GRM3: variants seen among roughly 807,000 people sequenced by gnomAD.
The protein encoded by GRM3 is metabotropic glutamate receptor 3.
A neutral mutation model predicts 70.5 loss-of-function variants in GRM3; 26 were observed. The observed-to-expected ratio is 0.37, with a 90% CI of 0.27 to 0.51. GRM3 has a LOEUF of 0.51. Ranked by LOEUF, GRM3 falls within the 20% of genes least tolerant of loss-of-function variation. The pLI is 0.93. For synonymous variants in GRM3, 443 were observed against 434.9 expected (o/e 1.02, Z -0.23); for missense variants, 859 against 1,123.8 (o/e 0.76, Z 3.37).
intron 1 of GRM3, among the ~76,000 whole-genome samples, chr7:86,723,032 A>C (rs115942573): frequency 0.017 from 2,582 of 152,162 alleles, 71 homozygotes; most frequent in African/African-American, 0.058. Flanking sequence ...AATGATATAA[A>C]TATTAATATT....
chr7:86,836,802 G>A (rs147876841), intron 3 of GRM3, among the ~76,000 whole-genome samples: 9 of 152,248 alleles, frequency 5.9e-5, no homozygotes, highest in South Asian at 2.1e-4. Context: ...TCATCAAATC[G>A]TCAAAAGAAC....
intron 1 of GRM3, among the ~76,000 whole-genome samples, chr7:86,656,260 CTTTTTTTT>C (rs1165969016): frequency 3.6e-5 from 3 of 83,276 alleles, no homozygotes; most frequent in Non-Finnish European, 6.4e-5. Flanking sequence ...ATACTATGTT[CTTTTTTTT>C]TTTTTTTTTT....
intron 1 of GRM3, among the ~76,000 whole-genome samples, chr7:86,734,007 T>C (rs1348101596): frequency 6.6e-6 from 1 of 152,212 alleles, no homozygotes. Context: ...CTTGGCCTAT[T>C]CTTGACTGCA....
chr7:86,862,586 TAAG>T (rs1288876352), intron 5 of GRM3, among the ~76,000 whole-genome samples: 5 of 152,036 alleles, frequency 3.3e-5, no homozygotes, highest in South Asian at 2.1e-4. Flanking sequence ...CTGATCCTAA[TAAG>T]AAGAAGAAAA....
chr7:86,847,805 T>C (rs1158458599), intron 4 of GRM3, among the ~76,000 whole-genome samples: 4 of 152,132 alleles, frequency 2.6e-5, no homozygotes, highest in Admixed American at 2.6e-4. Flanking sequence ...AAAACAGACT[T>C]TTAATAGTGT....
rs560769331 is a variant in GRM3, at chr7:86,841,392, C to T, written c.2391+1487C>T. ...AAAAAGAGGAAACATCAGAGCTGAT[C>T]GGCAAAGTCAAAGAGTGGAGTATAT... On this transcript the variant is annotated intron_variant, in intron 4 of 5. Coordinates refer to ENST00000361669, the MANE Select transcript of GRM3 (RefSeq NM_000840.3). Among the ~76,000 whole-genome samples, 7 of 152,168 alleles carry T rather than the reference C, an allele frequency of 4.6e-5. 1 individual carries two copies. Among genetic ancestry groups the T allele is most frequent in the African/African-American group, 1.2e-4 (5 of 41,518 alleles).
intron 3 of GRM3, among the ~76,000 whole-genome samples, chr7:86,814,662 A>T (rs1797980500): frequency 6.6e-6 from 1 of 151,730 alleles, no homozygotes; most frequent in Non-Finnish European, 1.5e-5. Flanking sequence ...ATTGTTAATT[A>T]CACATTTTCT....
At chr7:86,693,279 G>C (rs1267447534) in intron 1 of GRM3, among the ~76,000 whole-genome samples, 2 of 152,184 alleles carry the variant, frequency 1.3e-5, no homozygotes, top group Non-Finnish European at 2.9e-5. Flanking sequence ...TCAGGAAGTA[G>C]AAGTTGCATA....
chr7:86,692,968 G>A (rs1174339225), intron 1 of GRM3, among the ~76,000 whole-genome samples: 1 of 152,192 alleles, frequency 6.6e-6, no homozygotes, highest in African/African-American at 2.4e-5. Flanking sequence ...AGACTGGACA[G>A]ATCCGTCATG....
chr7:86,689,560 T>G (rs1794649589), intron 1 of GRM3, among the ~76,000 whole-genome samples: 2 of 152,142 alleles, frequency 1.3e-5, no homozygotes, highest in Non-Finnish European at 2.9e-5. Flanking sequence ...ATAATTCTGC[T>G]GAAGCAGCAT....
intron 2 of GRM3, among the ~76,000 whole-genome samples, chr7:86,779,182 A>T (rs1796975890): frequency 6.6e-6 from 1 of 152,226 alleles, no homozygotes; most frequent in Admixed American, 6.5e-5. Flanking sequence ...GATTGTGAAA[A>T]AAAATAAAGT....
intron 3 of GRM3, among the ~76,000 whole-genome samples, chr7:86,828,274 C>G (rs543562336): frequency 6.6e-6 from 1 of 151,854 alleles, no homozygotes; most frequent in South Asian, 2.1e-4. Context: ...AACGAGATAC[C>G]GGTACATTTT....
intron 1 of GRM3, among the ~76,000 whole-genome samples, chr7:86,676,714 G>A (rs1029874840): frequency 2.6e-5 from 4 of 151,918 alleles, no homozygotes; most frequent in Non-Finnish European, 4.4e-5. Flanking sequence ...AAATTTGGGA[G>A]GGTAAGCATA....
At chr7:86,685,906 CAAAA>C (rs71117516) in intron 1 of GRM3, among the ~76,000 whole-genome samples, 1 of 74,374 alleles carries the variant, frequency 1.3e-5, no homozygotes. Context: ...ACTCTGTCTC[CAAAA>C]AAAAAAAAAA....
chr7:86,828,098 C>A (rs371776442), intron 3 of GRM3, among the ~76,000 whole-genome samples: 2 of 110,156 alleles, frequency 1.8e-5, no homozygotes, highest in East Asian at 4.9e-4. Flanking sequence ...GGCGACTGAG[C>A]AGAACTCCGT....
At chr7:86,857,441 T>C (rs1798871723) in intron 5 of GRM3, among the ~76,000 whole-genome samples, 1 of 152,166 alleles carries the variant, frequency 6.6e-6, no homozygotes, top group Non-Finnish European at 1.5e-5. Flanking sequence ...TTTAAAAGCA[T>C]AAATTTTGGC....
At chr7:86,754,735 A>G (rs537755911) in intron 1 of GRM3, among the ~76,000 whole-genome samples, 32 of 152,272 alleles carry the variant, frequency 2.1e-4, no homozygotes, top group African/African-American at 7.7e-4. Context: ...TGGGCAAGTT[A>G]TATAAAACCA....
chr7:86,806,452 G>C (rs1797795276), intron 3 of GRM3, among the ~76,000 whole-genome samples: 1 of 152,188 alleles, frequency 6.6e-6, no homozygotes, highest in Admixed American at 6.5e-5. Context: ...TAACTGGTGT[G>C]AGATGGTATC....
intron 1 of GRM3, among the ~76,000 whole-genome samples, chr7:86,717,453 G>C (rs984596624): frequency 2.0e-5 from 3 of 151,922 alleles, no homozygotes; most frequent in African/African-American, 7.2e-5. Flanking sequence ...ATTTGATCCT[G>C]TTTTATTCTG....
Sources: allele counts gnomAD v4.1 joint callset (sites outside exome capture counted in the v4.1 genomes callset), GRCh38; gene constraint gnomAD v4.1.1; transcripts MANE v1.5; gene names NCBI Gene and HGNC (gene_info 2026-07-23, HGNC 2026-07-21).